The following VRK2 variants were observed in gnomAD, a reference collection of about 807,000 sequenced individuals.
VRK2 encodes serine/threonine-protein kinase VRK2.
A neutral mutation model predicts 57.6 loss-of-function variants in VRK2; 60 were observed. That is an observed-to-expected ratio of 1.04 (90% confidence interval 0.85 to 1.29). VRK2 has a LOEUF of 1.29. Ranked by LOEUF, VRK2 falls within the 50% of genes most tolerant of loss-of-function variation. The probability of loss-of-function intolerance (pLI) is 0.00; values close to 1 mark genes in which losing one functional copy is unlikely to be tolerated. For missense variants in VRK2, 705 were observed against 588.1 expected (o/e 1.20, Z -2.06); for synonymous variants, 231 against 199.2 (o/e 1.16, Z -1.35).
chr2:58,134,568 G>A (rs1386600262), intron 9 of VRK2, among the ~76,000 whole-genome samples: 2 of 141,590 alleles, frequency 1.4e-5, no homozygotes, highest in African/African-American at 2.8e-5. Flanking sequence ...CCGAGATTGC[G>A]CCACTGCAGT....
At chr2:58,031,165 G>A (rs1296060302) in intron 2 of VRK2, among the ~76,000 whole-genome samples, 1 of 151,994 alleles carries the variant, frequency 6.6e-6, no homozygotes, top group Non-Finnish European at 1.5e-5. Flanking sequence ...ACAAATAAAT[G>A]GTAAGTGACT....
At chr2:58,132,694 A>G (rs1350278902) in intron 9 of VRK2, among the ~76,000 whole-genome samples, 1 of 152,182 alleles carries the variant, frequency 6.6e-6, no homozygotes, top group Admixed American at 6.5e-5. Context: ...GAAAATCACA[A>G]CAGAAGAGTA....
chr2:58,042,081 C>T (rs373551597), upstream of VRK2, among the ~76,000 whole-genome samples: 48 of 152,276 alleles, frequency 3.2e-4, no homozygotes, highest in South Asian at 9.3e-3. Context: ...CGGGCATGTC[C>T]TTAACCTTGG....
intron 1 of VRK2, among the ~76,000 whole-genome samples, chr2:57,982,172 T>C (rs74715571): frequency 0.015 from 2,329 of 152,318 alleles, 29 homozygotes; most frequent in Middle Eastern, 0.031. Flanking sequence ...TCAGCACTCC[T>C]GGGCTATGTG....
At chr2:57,922,739 C>T (rs1194932409) in intron 1 of VRK2, among the ~76,000 whole-genome samples, 1 of 146,538 alleles carries the variant, frequency 6.8e-6, no homozygotes, top group Non-Finnish European at 1.5e-5. Context: ...TCTCTCTTTG[C>T]GATACAAACA....
At chr2:57,943,150 A>G (rs1417492336) in intron 1 of VRK2, among the ~76,000 whole-genome samples, 1 of 152,200 alleles carries the variant, frequency 6.6e-6, no homozygotes, top group African/African-American at 2.4e-5. Context: ...TTCTGAAGCT[A>G]TCAAACTGAA....
chr2:58,069,987 C>G (rs1228205555), intron 2 of VRK2, among the ~76,000 whole-genome samples: 2 of 152,026 alleles, frequency 1.3e-5, no homozygotes, highest in Non-Finnish European at 2.9e-5. Context: ...TATTTTTAAT[C>G]AGGAGACTCT....
At chr2:57,938,074 C>G (rs1670974911) in intron 1 of VRK2, among the ~76,000 whole-genome samples, 1 of 152,150 alleles carries the variant, frequency 6.6e-6, no homozygotes, top group African/African-American at 2.4e-5. Flanking sequence ...TCGTGATCCA[C>G]CCACCTTTGC....
At chr2:57,982,032 G>C (rs554696846) in intron 1 of VRK2, among the ~76,000 whole-genome samples, 1 of 152,172 alleles carries the variant, frequency 6.6e-6, no homozygotes, top group Admixed American at 6.5e-5. Context: ...TTTAATCTTT[G>C]AAGTTTCTGT....
chr2:58,144,273 G>T (rs2104636345), intron 11 of VRK2, among the ~76,000 whole-genome samples: 1 of 152,018 alleles, frequency 6.6e-6, no homozygotes, highest in Non-Finnish European at 1.5e-5. Flanking sequence ...CTAGTCAAAA[G>T]GTACAAACTT....
chr2:57,966,505 A>G (rs768937006), intron 1 of VRK2, among the ~76,000 whole-genome samples: 29 of 152,194 alleles, frequency 1.9e-4, no homozygotes, highest in Non-Finnish European at 3.2e-4. Flanking sequence ...CCAGTTCCAA[A>G]ATAAAAATTT....
chr2:58,096,497 C>A (rs1222333298), intron 7 of VRK2, among the ~76,000 whole-genome samples: 1 of 151,670 alleles, frequency 6.6e-6, no homozygotes. Context: ...TCTGTTTTTT[C>A]AATTTTATTT....
intron 12 of VRK2, chr2:58,154,682 A>C: frequency 1.4e-6 from 1 of 711,998 alleles, no homozygotes; most frequent in Non-Finnish European, 2.6e-6. Context: ...TAAATTTTAA[A>C]GCATTTGGAG....
chr2:58,148,588 C>A (rs60992066), intron 12 of VRK2, among the ~76,000 whole-genome samples: 1 of 151,566 alleles, frequency 6.6e-6, no homozygotes, highest in African/African-American at 2.4e-5. Context: ...ACCTAAGAAA[C>A]CTTTGCCTAC....
intron 7 of VRK2, among the ~76,000 whole-genome samples, chr2:58,108,320 T>A (rs17049344): frequency 0.036 from 5,435 of 152,186 alleles, 328 homozygotes; most frequent in African/African-American, 0.12. Flanking sequence ...TCCTGTTGAT[T>A]GCCTGTATTG....
At chr2:57,910,333 T>C (rs760440021) in intron 1 of VRK2, among the ~76,000 whole-genome samples, 1 of 152,250 alleles carries the variant, frequency 6.6e-6, no homozygotes, top group South Asian at 2.1e-4. Context: ...GACTCCCCTA[T>C]TGTACTCTTC....
chr2:58,050,201 A>G (rs1413915820), intron 2 of VRK2, among the ~76,000 whole-genome samples: 3 of 152,224 alleles, frequency 2.0e-5, no homozygotes, highest in Non-Finnish European at 1.5e-5. Context: ...TTAATCTAGT[A>G]TATCAAAAAT....
intron 1 of VRK2, among the ~76,000 whole-genome samples, chr2:57,958,465 A>G (rs1671655677): frequency 6.6e-6 from 1 of 151,500 alleles, no homozygotes; most frequent in African/African-American, 2.4e-5. Context: ...ATATACATGT[A>G]TATATACACA....
At chr2:58,051,772 G>A (rs909433696) in intron 2 of VRK2, among the ~76,000 whole-genome samples, 5 of 152,144 alleles carry the variant, frequency 3.3e-5, no homozygotes, top group Admixed American at 2.0e-4. Context: ...TAAGGGGAAG[G>A]GGCAGAGAAG....
Sources: gnomAD v4.1 joint callset for allele counts (sites outside exome capture counted in the v4.1 genomes callset) on GRCh38, gnomAD v4.1.1 for gene constraint, MANE v1.5 for transcripts, NCBI Gene and HGNC (gene_info 2026-07-23, HGNC 2026-07-21) for gene names.